ZBTB45: variants seen among roughly 807,000 people sequenced by gnomAD.
ZBTB45 encodes zinc finger and BTB domain containing 45.
In ZBTB45, 22 loss-of-function variants were observed where a neutral mutation model predicts 28.4. The ratio of observed to expected loss-of-function variants is 0.77; its 90% CI spans 0.55 to 1.10. The LOEUF (loss-of-function observed/expected upper bound fraction) is 1.10. Among genes scored for constraint, ZBTB45 ranks in the 50% least tolerant of loss-of-function variants. ZBTB45 has a pLI of 0.00. For synonymous variants in ZBTB45, 361 were observed against 332.3 expected (o/e 1.09, Z -0.94); for missense variants, 656 against 750.2 (o/e 0.87, Z 1.47).
intron 1 of ZBTB45, among the ~76,000 whole-genome samples, chr19:58,529,084 C>CAAAAAAAAAAAAAAAAAAAAAAAAAA (rs1231496438): frequency 1.6e-5 from 1 of 61,446 alleles, no homozygotes; most frequent in Non-Finnish European, 3.4e-5. Context: ...AACTCCATCT[C>CAAAAAAAAAAAAAAAAAAAAAAAAAA]AAAAAAAAAA....
upstream of ZBTB45, among the ~76,000 whole-genome samples, chr19:58,524,433 A>ATGTG (rs1364446202): frequency 0.023 from 2,590 of 111,680 alleles, 50 homozygotes; most frequent in African/African-American, 0.066. Context: ...GTGTGTTCAT[A>ATGTG]TATGTGTGTG....
chr19:58,526,786 C>A (rs937321257), intron 1 of ZBTB45, among the ~76,000 whole-genome samples: 1 of 151,606 alleles, frequency 6.6e-6, no homozygotes, highest in Non-Finnish European at 1.5e-5. Context: ...CCGCCTCGGC[C>A]TCCCAAAGTG....
chr19:58,528,498 G>A lies in ZBTB45; in HGVS notation c.-1+10203C>T, dbSNP rs184726880. ...AAAAAGTCCAGGTGCGGTGGCTCACGCCTATAATCCCAGCACTTTGGGAGG... is the reference window on the plus strand; with the variant it reads ...AAAAAGTCCAGGTGCGGTGGCTCACACCTATAATCCCAGCACTTTGGGAGG... On this transcript the variant is annotated intron_variant, in intron 1 of 1. Coordinates refer to the ZBTB45 transcript ENST00000600130. Among the ~76,000 whole-genome samples the A allele has an allele frequency of 4.8e-3, 726 of 150,688 alleles. 6 individuals carry two copies. Among genetic ancestry groups the A allele is most frequent in the African/African-American group, 0.016 (641 of 41,136 alleles).
chr19:58,537,772 G>A (rs1436311799), intron 1 of ZBTB45, among the ~76,000 whole-genome samples: 1 of 152,004 alleles, frequency 6.6e-6, no homozygotes, highest in Non-Finnish European at 1.5e-5. Context: ...TGACCCACAC[G>A]TCCCCCTCTC....
chr19:58,520,377 A>T (rs1310903050), upstream of ZBTB45, among the ~76,000 whole-genome samples: 1 of 152,136 alleles, frequency 6.6e-6, no homozygotes, highest in African/African-American at 2.4e-5. Flanking sequence ...AGACCCTGTG[A>T]GATTCTGGGA....
At chr19:58,523,861 C>T (rs185049473), upstream of ZBTB45, among the ~76,000 whole-genome samples, 11 of 10,660 alleles carry the variant, frequency 1.0e-3, no homozygotes, top group African/African-American at 1.4e-3. Flanking sequence ...TCAGTAGAGA[C>T]GGGGTTTCAC....
chr19:58,523,748 G>A (rs1338024434), upstream of ZBTB45, among the ~76,000 whole-genome samples: 1 of 137,108 alleles, frequency 7.3e-6, no homozygotes, highest in Non-Finnish European at 1.6e-5. Flanking sequence ...CTGGCTCACT[G>A]CAAGCTCCGC....
At chr19:58,530,499 T>C (rs1310935487) in intron 1 of ZBTB45, among the ~76,000 whole-genome samples, 3 of 148,438 alleles carry the variant, frequency 2.0e-5, no homozygotes, top group African/African-American at 7.5e-5. Context: ...AGAGATGGGG[T>C]TTCTCCATGT....
chr19:58,526,565 T>C (rs2053608705), intron 1 of ZBTB45, among the ~76,000 whole-genome samples: 1 of 126,064 alleles, frequency 7.9e-6, no homozygotes, highest in Non-Finnish European at 1.6e-5. Flanking sequence ...GGAGTCTCGC[T>C]CTGTCGCCCA....
At chr19:58,521,050 T>A (rs1453737247), upstream of ZBTB45, among the ~76,000 whole-genome samples, 2 of 28,926 alleles carry the variant, frequency 6.9e-5, no homozygotes, top group African/African-American at 5.2e-4. Context: ...AGACTCCGTC[T>A]CAAAAAAAAA....
At position 58,514,020 on chromosome 19, in the gene ZBTB45, G is replaced by C. The variant is rs1225548612; in HGVS notation, c.*34C>G. 1 of 1,377,938 alleles carries C rather than the reference G, an allele frequency of 7.3e-7. No homozygotes were observed. The highest frequency in any genetic ancestry group is 2.9e-5 in the East Asian group (1 of 34,282). 85.4% of individuals were successfully genotyped at this position (1,377,938 alleles called of 1,614,324 possible). A position where few individuals can be genotyped will look rare whatever the true frequency, so the allele number is the denominator to read the frequency against. On this transcript the variant is annotated 3_prime_UTR_variant, in exon 3 of 3. Coordinates refer to ENST00000594051, the MANE Select transcript of ZBTB45 (RefSeq NM_001316979.2). ...GTGGCCGACTGTGCGGGAGGCCCCG[G>C]ATCCACCGTGGGCGAGGCCAGGCCC...
intron 1 of ZBTB45, among the ~76,000 whole-genome samples, chr19:58,532,183 C>G (rs184226573): frequency 4.5e-4 from 69 of 152,254 alleles, no homozygotes; most frequent in African/African-American, 1.6e-3. Flanking sequence ...AATGTTTTCC[C>G]ATCTGTGAAA....
intron 1 of ZBTB45, among the ~76,000 whole-genome samples, chr19:58,537,123 T>C (rs1312103357): frequency 6.6e-6 from 1 of 152,056 alleles, no homozygotes; most frequent in East Asian, 1.9e-4. Context: ...GCTTGGCCAA[T>C]CCTAGGAAGC....
chr19:58,537,052 C>T (rs1324335843), intron 1 of ZBTB45, among the ~76,000 whole-genome samples: 1 of 152,100 alleles, frequency 6.6e-6, no homozygotes, highest in Non-Finnish European at 1.5e-5. Context: ...TAGCGTCCTG[C>T]CATATACTTA....
intron 1 of ZBTB45, among the ~76,000 whole-genome samples, chr19:58,536,860 C>A (rs943469411): frequency 6.6e-6 from 1 of 152,212 alleles, no homozygotes; most frequent in East Asian, 1.9e-4. Flanking sequence ...GTGACCACTG[C>A]ATATTGCTAC....
chr19:58,521,229 C>T (rs1379114675), upstream of ZBTB45, among the ~76,000 whole-genome samples: 6 of 128,996 alleles, frequency 4.7e-5, no homozygotes, highest in East Asian at 2.6e-4. Context: ...TAGCCGAGCG[C>T]GGTGGCAGGC....
intron 1 of ZBTB45, among the ~76,000 whole-genome samples, chr19:58,530,553 G>A (rs1257431564): frequency 1.3e-5 from 2 of 151,924 alleles, no homozygotes; most frequent in East Asian, 1.9e-4. Flanking sequence ...TGATCTGCCC[G>A]CCTCGGCCTC....
At chr19:58,528,632 C>T (rs1174253190) in intron 1 of ZBTB45, among the ~76,000 whole-genome samples, 2 of 152,106 alleles carry the variant, frequency 1.3e-5, no homozygotes, top group Non-Finnish European at 2.9e-5. Flanking sequence ...CAGTGGCTCA[C>T]GCCTGTAATC....
At chr19:58,529,760 AC>A (rs2053626454) in intron 1 of ZBTB45, among the ~76,000 whole-genome samples, 1 of 151,724 alleles carries the variant, frequency 6.6e-6, no homozygotes, top group Non-Finnish European at 1.5e-5. Flanking sequence ...CCTCCCCTAG[AC>A]CCCCACCCCA....
Sources: gnomAD v4.1 joint callset for allele counts (sites outside exome capture counted in the v4.1 genomes callset) on GRCh38, gnomAD v4.1.1 for gene constraint, MANE v1.5 for transcripts, NCBI Gene and HGNC (gene_info 2026-07-23, HGNC 2026-07-21) for gene names.